C19orf12: variants seen among roughly 807,000 people sequenced by gnomAD.
C19orf12 encodes protein C19orf12.
Under a neutral mutation model 3.8 loss-of-function variants are expected in C19orf12, and 2 were observed. That is an observed-to-expected ratio of 0.53 (90% CI 0.22 to 1.66). The LOEUF is 1.66. Ranked by LOEUF, C19orf12 falls within the 40% of genes most tolerant of loss-of-function variation. C19orf12 has a pLI of 0.20. For missense variants in C19orf12, 156 were observed against 188.8 expected, an observed-to-expected ratio of 0.83 and a Z score of 1.02; for synonymous variants, 89 against 84.6, an observed-to-expected ratio of 1.05 and a Z score of -0.28.
chr19:29,713,467 G>C (rs1187560620), intron 1 of C19orf12, among the ~76,000 whole-genome samples: 1 of 151,964 alleles, frequency 6.6e-6, no homozygotes, highest in African/African-American at 2.4e-5. Context: ...GTTTGGACCA[G>C]ATTGTAAGAG....
At chr19:29,708,186 C>T in intron 2 of C19orf12, 68 bp downstream of exon 2, 1 of 1,593,060 alleles carries the variant, frequency 6.3e-7, no homozygotes, top group East Asian at 2.2e-5. Context: ...TGGCCTTCTC[C>T]CTGTGTTTCA....
upstream of C19orf12, chr19:29,715,356 G>C (rs779320924): frequency 7.6e-6 from 3 of 393,868 alleles, no homozygotes; most frequent in Non-Finnish European, 1.5e-5. Context: ...CCCGGCCTTA[G>C]GGGGAGCCGG....
In C19orf12 at chr19:29,702,814, G is replaced by T. The variant is rs10424582; in HGVS notation, c.324C>A (p.Thr108=). ...GGGCCTCGCTGCCCATGACCAGCGC[G>T]GTCAGCTGCACGGCGTCCGTCCACT... ...HLEWTDAVQL[T]ALVMGSEALQ... Residue 108 remains threonine (T), a synonymous_variant, in exon 3 of 3, where the codon ACC becomes ACA. Coordinates refer to ENST00000323670, the MANE Select transcript of C19orf12 (RefSeq NM_031448.6). 1 of 1,613,664 alleles carries T rather than the reference G, an allele frequency of 6.2e-7. No homozygotes were observed. The highest frequency in any genetic ancestry group is 1.7e-5 in the Admixed American group (1 of 59,996).
intron 2 of C19orf12, among the ~76,000 whole-genome samples, chr19:29,707,863 T>C (rs998516101): frequency 6.6e-6 from 1 of 150,726 alleles, no homozygotes; most frequent in Non-Finnish European, 1.5e-5. Context: ...TTTTCTTTTT[T>C]CTTTTTCCTT....
chr19:29,714,512 C>T lies in C19orf12; in HGVS notation c.-11+613G>A, dbSNP rs561017390. The stretch of plus-strand genomic sequence containing the variant: ...GTCTAAACAAAAGCTCAACAAACTA[C>T]CTGCCATCCCCAAAACTAATCTCAC... On this transcript the variant is annotated intron_variant, in intron 1 of 2. Transcript: ENST00000323670. Among the ~76,000 whole-genome samples, 12 of 152,152 alleles carry T rather than the reference C, an allele frequency of 7.9e-5. No individual in the cohort carries two copies. The South Asian group carries it at 1.0e-3, about 13-fold the overall frequency.
intron 2 of C19orf12, among the ~76,000 whole-genome samples, chr19:29,707,216 G>A (rs544957872): frequency 6.6e-6 from 1 of 152,292 alleles, no homozygotes; most frequent in Non-Finnish European, 1.5e-5. Context: ...AATTAGCCGG[G>A]TGTGGTGGCA....
intron 1 of C19orf12, among the ~76,000 whole-genome samples, chr19:29,711,570 G>T (rs1046392234): frequency 6.6e-6 from 1 of 152,192 alleles, no homozygotes; most frequent in Admixed American, 6.5e-5. Flanking sequence ...TTCCCCGGGC[G>T]TGAAGACCCT....
At chr19:29,711,414 C>G (rs557792193) in intron 1 of C19orf12, among the ~76,000 whole-genome samples, 15 of 152,286 alleles carry the variant, frequency 9.8e-5, no homozygotes, top group Admixed American at 9.2e-4. Flanking sequence ...TTACAAAAAG[C>G]TCAAAATCCT....
At chr19:29,705,529 TAGAC>T in intron 2 of C19orf12, 1 of 264,206 alleles carries the variant, frequency 3.8e-6, no homozygotes. Flanking sequence ...TTTTTTTCCT[TAGAC>T]AGAATCTCAC....
Position 29,701,091 on chromosome 19 carries a change from C to A in C19orf12, c.*1621G>T, listed in dbSNP as rs1033398297. On this transcript the variant is annotated 3_prime_UTR_variant, in exon 3 of 3. Coordinates refer to ENST00000323670, the MANE Select transcript of C19orf12 (RefSeq NM_031448.6). ...ATTCTTTAAAGCCACAAATCTGGTA[C>A]CTTCCCTCTTGTTCCATTTGTAAGA... The A allele has an allele frequency of 6.6e-6, 3 of 454,014 alleles. No individual in the cohort carries two copies. Among genetic ancestry groups the A allele is most frequent in the African/African-American group, 6.0e-5 (3 of 50,000 alleles). The allele number at this position is 454,014 out of a possible 1,614,324, so 28.1% of individuals were successfully genotyped here.
At chr19:29,705,510 G>GTT (rs34868329) in intron 2 of C19orf12, 6,237 of 208,608 alleles carry the variant, frequency 0.03, 1 homozygote, top group South Asian at 0.094. Context: ...GGTTTCTTAG[G>GTT]TTTTTTTTTT....
Position 29,705,238 on chromosome 19 carries a change from T to C in C19orf12, c.161-2261A>G, listed in dbSNP as rs572581439. 59 of 404,528 alleles carry C rather than the reference T, an allele frequency of 1.5e-4. 1 individual carries two copies. Among genetic ancestry groups the C allele is most frequent in the South Asian group, 1.1e-3 (59 of 56,152 alleles). The allele number at this position is 404,528 out of a possible 1,614,324, so 25.1% of individuals were successfully genotyped here. On this transcript the variant is annotated intron_variant, in intron 2 of 2. Transcript: ENST00000323670. The stretch of plus-strand genomic sequence containing the variant: ...ACTCCAGTCCCATCCTAAACACAAC[T>C]GGCAAATTCAAACTGAGAGATGTTC...
chr19:29,711,111 C>T (rs1972653054), intron 1 of C19orf12, among the ~76,000 whole-genome samples: 1 of 142,902 alleles, frequency 7.0e-6, no homozygotes, highest in African/African-American at 2.6e-5. Context: ...GCGATCTCGG[C>T]TCACTGCAGC....
chr19:29,706,371 G>A (rs964774287), intron 2 of C19orf12, among the ~76,000 whole-genome samples: 2 of 152,174 alleles, frequency 1.3e-5, no homozygotes, highest in African/African-American at 4.8e-5. Context: ...CTTTGGAGAG[G>A]AGAAAATTCC....
intron 1 of C19orf12, among the ~76,000 whole-genome samples, chr19:29,711,292 G>C (rs1794506635): frequency 6.6e-6 from 1 of 152,122 alleles, no homozygotes; most frequent in Admixed American, 6.5e-5. Flanking sequence ...TGCCTGCCTT[G>C]GCCTCTCAAA....
chr19:29,705,352 G>A (rs1959558100), intron 2 of C19orf12: 2 of 410,640 alleles, frequency 4.9e-6, no homozygotes, highest in African/African-American at 2.6e-5. Context: ...AGGAGACTAA[G>A]AAAGCAGGCG....
intron 1 of C19orf12, among the ~76,000 whole-genome samples, chr19:29,710,501 G>C (rs182136829): frequency 1.4e-4 from 21 of 152,270 alleles, no homozygotes; most frequent in Admixed American, 8.5e-4. Context: ...GTGCTCCTCT[G>C]ATCTCACTTT....
Position 29,700,677 on chromosome 19 carries a change from T to G in C19orf12, c.*2035A>C, listed in dbSNP as rs1032736838. On this transcript the variant is annotated 3_prime_UTR_variant, in exon 3 of 3. Coordinates refer to ENST00000323670, the MANE Select transcript of C19orf12 (RefSeq NM_031448.6). ...TCATTAACTCCAGGAGTGTGGCCTGTGCTAGGGCACCTGATTTGTGCTAGA... is the reference window on the plus strand; with the variant it reads ...TCATTAACTCCAGGAGTGTGGCCTGGGCTAGGGCACCTGATTTGTGCTAGA... 7 of 453,968 alleles carry G rather than the reference T, an allele frequency of 1.5e-5. No individual in the cohort carries two copies. The highest frequency in any genetic ancestry group is 1.4e-4 in the African/African-American group (7 of 50,008). 28.1% of individuals were successfully genotyped at this position (453,968 alleles called of 1,614,324 possible).
intron 2 of C19orf12, among the ~76,000 whole-genome samples, chr19:29,704,126 C>G (rs2145627032): frequency 6.6e-6 from 1 of 152,296 alleles, no homozygotes; most frequent in South Asian, 2.1e-4. Context: ...GAGGCTCTTT[C>G]CTCTTGAAGC....
Sources: gnomAD v4.1 joint callset for allele counts (sites outside exome capture counted in the v4.1 genomes callset) on GRCh38, gnomAD v4.1.1 for gene constraint, MANE v1.5 for transcripts, NCBI Gene and HGNC (gene_info 2026-07-23, HGNC 2026-07-21) for gene names.